Variants in NOL7 observed in about 807,000 individuals in gnomAD.
NOL7 encodes the protein U3 small nucleolar RNA-associated protein NOL7.
Under a neutral mutation model 38.4 loss-of-function variants are expected in NOL7, and 36 were observed. That is an observed-to-expected ratio of 0.94 (90% CI 0.72 to 1.24). The LOEUF (loss-of-function observed/expected upper bound fraction) is 1.24. NOL7 is among the 50% of genes most tolerant of loss of function. NOL7 has a pLI of 0.00. For missense variants in NOL7, 350 were observed against 315.1 expected (o/e 1.11, Z -0.84); for synonymous variants, 142 against 126.5 (o/e 1.12, Z -0.82).
chr6:13,619,991 C>T (rs984042165), intron 5 of NOL7, among the ~76,000 whole-genome samples: 15 of 152,052 alleles, frequency 9.9e-5, no homozygotes, highest in African/African-American at 3.4e-4. Flanking sequence ...CCCGTCTCTA[C>T]TGAAAATAAA....
downstream of NOL7, chr6:13,622,421 T>C (rs1315277115): frequency 6.2e-7 from 1 of 1,601,664 alleles, no homozygotes; most frequent in Non-Finnish European, 8.5e-7. Flanking sequence ...GATCGAGCCA[T>C]CAGTCCTAGA....
intron 3 of NOL7, 149 bp downstream of exon 3, chr6:13,616,670 G>A: frequency 3.5e-6 from 2 of 577,684 alleles, no homozygotes; most frequent in South Asian, 2.5e-5. Flanking sequence ...TGGGAAAGAC[G>A]GAGGTAACGT....
intron 8 of NOL7, among the ~76,000 whole-genome samples, chr6:13,629,186 C>G (rs1764707340): frequency 6.6e-6 from 1 of 152,206 alleles, no homozygotes; most frequent in South Asian, 2.1e-4. Flanking sequence ...TCACAGCTCA[C>G]TGCAGCCTCG....
intron 7 of NOL7, 98 bp from the exon 8 acceptor site, chr6:13,620,656 C>T: frequency 1.0e-6 from 1 of 981,040 alleles, no homozygotes; most frequent in South Asian, 1.6e-5. Flanking sequence ...GTATAATAAG[C>T]CCACCCAGTT....
chr6:13,623,815 CTATT>C (rs770737480), downstream of NOL7, among the ~76,000 whole-genome samples: 16 of 152,102 alleles, frequency 1.1e-4, no homozygotes, highest in African/African-American at 3.4e-4. Flanking sequence ...AGATTAAGCA[CTATT>C]TATGGCTGAA....
intron 2 of NOL7, 124 bp downstream of exon 2, chr6:13,615,896 C>T (rs1764269264): frequency 9.9e-7 from 1 of 1,014,648 alleles, no homozygotes; most frequent in South Asian, 1.7e-5. Flanking sequence ...TTGCCTCTGA[C>T]AGTGGTGGAA....
intron 3 of NOL7, 56 bp from the exon 4 acceptor site, chr6:13,617,714 T>C: frequency 1.3e-6 from 2 of 1,527,096 alleles, no homozygotes; most frequent in Non-Finnish European, 1.8e-6. Flanking sequence ...TAATATAACA[T>C]GTTTTGAGTA....
At chr6:13,625,992 T>C (rs1335584017), downstream of NOL7, among the ~76,000 whole-genome samples, 1 of 152,186 alleles carries the variant, frequency 6.6e-6, no homozygotes, top group African/African-American at 2.4e-5. Flanking sequence ...CTCATTCAAC[T>C]TCCTCCCATC....
Position 13,620,959 on chromosome 6 carries a change from T to C in NOL7, c.*132T>C, listed in dbSNP as rs1311871437. On this transcript the variant is annotated 3_prime_UTR_variant, in exon 8 of 8. Coordinates refer to ENST00000451315, the MANE Select transcript of NOL7 (RefSeq NM_016167.5). ...GGAAGTGCTCAACCACATTTCATTC[T>C]TCTGGAGTAGAACTGTGCCTTGCAA... 11 of 594,290 alleles carry C rather than the reference T, an allele frequency of 1.9e-5. No homozygotes were observed. Among genetic ancestry groups the C allele is most frequent in the Non-Finnish European group, 2.9e-5 (10 of 343,388 alleles). The allele number at this position is 594,290 out of a possible 1,614,324, so 36.8% of individuals were successfully genotyped here.
chr6:13,617,782 G>A lies in NOL7; in HGVS notation c.399G>A (p.Ser133=), dbSNP rs766441029. Residue 133 remains serine (S), a synonymous_variant, in exon 4 of 8, where the codon TCG becomes TCA. Transcript: ENST00000451315. The part of the protein sequence containing the change: ...TTASQTNIKK[S]PGKVKEVNLQ... ...TTTTTTTCCTTAGCATCAAGAAATC[G>A]CCAGGAAAGGTGAAAGAAGGTATGA... 17 of 1,613,630 alleles carry A rather than the reference G, an allele frequency of 1.1e-5. No homozygotes were observed. Among genetic ancestry groups the A allele is most frequent in the Admixed American group, 1.7e-5 (1 of 59,974 alleles).
chr6:13,616,535 C>A lies in NOL7; in HGVS notation c.386+14C>A. 6.4e-7 allele frequency: 1 copy of A among 1,563,800 alleles called. No homozygotes were observed. Among genetic ancestry groups the A allele is most frequent in the Non-Finnish European group, 8.8e-7 (1 of 1,139,492 alleles). ...TTCACAGACTAAGTAAGTAATGGAT[C>A]TTTTTATATTACTTGCTTATATACA... On this transcript the variant is annotated intron_variant, in intron 3 of 7. Coordinates refer to ENST00000451315, the MANE Select transcript of NOL7 (RefSeq NM_016167.5).
chr6:13,621,387 GT>G lies in NOL7; in HGVS notation c.*562del, dbSNP rs1246567925. The G allele has an allele frequency of 6.6e-6, 1 of 152,502 alleles. No individual in the cohort carries two copies. Among genetic ancestry groups the G allele is most frequent in the Non-Finnish European group, 1.5e-5 (1 of 68,042 alleles). 9.4% of individuals were successfully genotyped at this position (152,502 alleles called of 1,614,324 possible). A position where few individuals can be genotyped will look rare whatever the true frequency, so the allele number is the denominator to read the frequency against. On this transcript the variant is annotated 3_prime_UTR_variant, in exon 8 of 8. Transcript: ENST00000451315. ...GCCAGTAAACTGAAGGCAATTTTAG[GT>G]TGTAGAACTCAGATTAATTGTAGAA...
At chr6:13,629,545 G>C (rs1764716700) in intron 8 of NOL7, among the ~76,000 whole-genome samples, 1 of 152,134 alleles carries the variant, frequency 6.6e-6, no homozygotes, top group Admixed American at 6.5e-5. Context: ...CTCATATTTG[G>C]TTTAGAATCT....
At chr6:13,622,293 C>G, downstream of NOL7, 1 of 1,361,112 alleles carries the variant, frequency 7.3e-7, no homozygotes, top group Non-Finnish European at 9.6e-7. Context: ...AATTTCAAAT[C>G]AGCAGAGCTG....
chr6:13,622,355 T>C, downstream of NOL7: 1 of 1,555,200 alleles, frequency 6.4e-7, no homozygotes, highest in Non-Finnish European at 8.7e-7. Flanking sequence ...GCTCTTGAAA[T>C]GCATAGCTAA....
At chr6:13,630,862 G>T (rs974529214) in intron 8 of NOL7, among the ~76,000 whole-genome samples, 4 of 151,568 alleles carry the variant, frequency 2.6e-5, no homozygotes, top group African/African-American at 4.9e-5. Context: ...TTTTTAAGAG[G>T]CAAGGTCTCA....
At chr6:13,619,738 C>T (rs1023207154) in intron 5 of NOL7, among the ~76,000 whole-genome samples, 2 of 152,206 alleles carry the variant, frequency 1.3e-5, no homozygotes, top group African/African-American at 4.8e-5. Context: ...ACAAAACCAC[C>T]ATGTGCTCTA....
chr6:13,626,863 G>A (rs921915213), intron 8 of NOL7, among the ~76,000 whole-genome samples: 5 of 152,142 alleles, frequency 3.3e-5, no homozygotes, highest in Non-Finnish European at 7.3e-5. Context: ...AGAGGTGGGG[G>A]AAAGGCTTCT....
At chr6:13,616,099 TAAATG>T (rs1039864875) in intron 2 of NOL7, among the ~76,000 whole-genome samples, 5 of 152,222 alleles carry the variant, frequency 3.3e-5, no homozygotes, top group African/African-American at 1.2e-4. Flanking sequence ...CTGTGAGAAT[TAAATG>T]AGGTGATTTG....
Sources: allele counts gnomAD v4.1 joint callset (sites outside exome capture counted in the v4.1 genomes callset), GRCh38; gene constraint gnomAD v4.1.1; transcripts MANE v1.5; gene names NCBI Gene and HGNC (gene_info 2026-07-23, HGNC 2026-07-21).